The following RAD51C variants were observed in gnomAD, a reference collection of about 807,000 sequenced individuals.
RAD51C encodes the protein DNA repair protein RAD51 homolog 3.
Under a neutral mutation model 45.0 loss-of-function variants are expected in RAD51C, and 42 were observed. The observed-to-expected ratio is 0.93, with a 90% confidence interval of 0.73 to 1.21. The LOEUF (loss-of-function observed/expected upper bound fraction) is 1.21. Among genes scored for constraint, RAD51C ranks in the 50% most tolerant of loss-of-function variants. The probability of loss-of-function intolerance (pLI) is 0.00; values close to 1 mark genes in which losing one functional copy is unlikely to be tolerated. For missense variants in RAD51C, 474 were observed against 452.2 expected, an observed-to-expected ratio of 1.05 and a Z score of -0.44; for synonymous variants, 172 against 159.8, an observed-to-expected ratio of 1.08 and a Z score of -0.58.
At chr17:58,728,057 A>G (rs549715293) in intron 7 of RAD51C, among the ~76,000 whole-genome samples, 22 of 152,178 alleles carry the variant, frequency 1.4e-4, no homozygotes, top group African/African-American at 5.3e-4. Flanking sequence ...AGCCTGGCCA[A>G]TATGGGGAAA....
intron 8 of RAD51C, among the ~76,000 whole-genome samples, chr17:58,733,590 A>G (rs1052799127): frequency 2.6e-5 from 4 of 152,190 alleles, no homozygotes; most frequent in Non-Finnish European, 5.9e-5. Context: ...ATGCAATGTT[A>G]TTTCTGTGCG....
At chr17:58,727,574 G>A (rs575519944) in intron 7 of RAD51C, among the ~76,000 whole-genome samples, 2 of 147,956 alleles carry the variant, frequency 1.4e-5, no homozygotes, top group African/African-American at 2.5e-5. Context: ...TTTTTTTTTC[G>A]GGCTGTGGAT....
At position 58,731,261 on chromosome 17, in the gene RAD51C, T is replaced by G. The variant is rs28583736; in HGVS notation, c.966-1223T>G. 1.1e-3 allele frequency among the ~76,000 whole-genome samples: 165 copies of G among 151,484 alleles called. 1 individual carries two copies. The highest frequency in any genetic ancestry group is 3.5e-3 in the East Asian group (18 of 5,160). On this transcript the variant is annotated intron_variant, in intron 7 of 8. Transcript: ENST00000337432. ...TTTAAAGTAATTCTTAAAAGCAGTT[T>G]TTTTTTTTTTTTTTGAGATGGAGTT...
intron 2 of RAD51C, among the ~76,000 whole-genome samples, chr17:58,696,414 CAG>C (rs1374097571): frequency 1.3e-5 from 2 of 152,186 alleles, no homozygotes; most frequent in South Asian, 2.1e-4. Context: ...GCCTGGGCGA[CAG>C]AGCGAGACTC....
chr17:58,712,033 T>TC (rs1386987705), intron 5 of RAD51C, among the ~76,000 whole-genome samples: 2 of 150,566 alleles, frequency 1.3e-5, no homozygotes, highest in Non-Finnish European at 3.0e-5. Flanking sequence ...TGACCCCATC[T>TC]CTAAAAAAAA....
intron 4 of RAD51C, 133 bp from the exon 5 acceptor site, chr17:58,709,726 T>G: frequency 1.2e-6 from 1 of 816,784 alleles, no homozygotes; most frequent in Non-Finnish European, 1.9e-6. Flanking sequence ...GCATTGGGGA[T>G]GATATAGTAA....
chr17:58,725,902 G>C (rs961929207), intron 7 of RAD51C, among the ~76,000 whole-genome samples: 1 of 149,686 alleles, frequency 6.7e-6, no homozygotes, highest in Non-Finnish European at 1.5e-5. Context: ...TGAGGCAGGA[G>C]AATCACTTGA....
At chr17:58,698,620 C>T (rs937216640) in intron 3 of RAD51C, among the ~76,000 whole-genome samples, 3 of 151,862 alleles carry the variant, frequency 2.0e-5, no homozygotes, top group Non-Finnish European at 2.9e-5. Flanking sequence ...TGAGCCACCA[C>T]GCCCAGCCTT....
At position 58,734,741 on chromosome 17, in the gene RAD51C, C is replaced by T. The variant is rs1450915941; in HGVS notation, c.*519C>T. ...TCCCGAGTAGCTGGGGTTACAGGCACCTGCCATCGTGCCTGGCTAATTTTT... is the reference window on the plus strand; with the variant it reads ...TCCCGAGTAGCTGGGGTTACAGGCATCTGCCATCGTGCCTGGCTAATTTTT... On this transcript the variant is annotated 3_prime_UTR_variant, in exon 9 of 9. Transcript: ENST00000337432. 3 of 158,022 alleles carry T rather than the reference C, an allele frequency of 1.9e-5. No individual in the cohort carries two copies. Among genetic ancestry groups the T allele is most frequent in the Non-Finnish European group, 4.2e-5 (3 of 72,234 alleles). 9.8% of individuals were successfully genotyped at this position (158,022 alleles called of 1,614,324 possible).
chr17:58,702,008 T>G (rs1430135296), intron 3 of RAD51C, among the ~76,000 whole-genome samples: 1 of 151,918 alleles, frequency 6.6e-6, no homozygotes, highest in Non-Finnish European at 1.5e-5. Context: ...TTTGTTTTTT[T>G]TTTTGAGACA....
At chr17:58,711,022 A>T (rs1417363194) in intron 5 of RAD51C, among the ~76,000 whole-genome samples, 1 of 152,226 alleles carries the variant, frequency 6.6e-6, no homozygotes, top group Non-Finnish European at 1.5e-5. Flanking sequence ...GTCATTTTAA[A>T]GCATACTTTT....
chr17:58,721,530 C>T (rs959036658), intron 6 of RAD51C, among the ~76,000 whole-genome samples: 2 of 151,918 alleles, frequency 1.3e-5, no homozygotes, highest in African/African-American at 4.8e-5. Flanking sequence ...GAGGCTGAGG[C>T]GGGTGGATCA....
intron 3 of RAD51C, among the ~76,000 whole-genome samples, chr17:58,701,632 G>A (rs536856139): frequency 6.6e-6 from 1 of 150,570 alleles, no homozygotes; most frequent in Admixed American, 6.6e-5. Flanking sequence ...GTGCAGTGGC[G>A]GGATCTCAGC....
chr17:58,701,064 A>AT (rs1444807244), intron 3 of RAD51C, among the ~76,000 whole-genome samples: 1 of 151,670 alleles, frequency 6.6e-6, no homozygotes, highest in Admixed American at 6.6e-5. Flanking sequence ...TGCCCAGCTA[A>AT]TTTTTTTTGC....
At chr17:58,705,996 C>G (rs531066862) in intron 4 of RAD51C, 1 of 152,208 alleles carries the variant, frequency 6.6e-6, no homozygotes, top group African/African-American at 2.4e-5. Context: ...GTGAAATTCC[C>G]TTCCAGCTGT....
Position 58,697,570 on chromosome 17 carries a change from A to C in RAD51C, c.571+711A>C, listed in dbSNP as rs1034113678. Among the ~76,000 whole-genome samples the C allele has an allele frequency of 3.3e-5, 5 of 150,654 alleles. No individual in the cohort carries two copies. The East Asian group carries it at 9.6e-4, about 29-fold the overall frequency. ...AAAAAAAAAAAAACCAAAAAAAAAAACCACGTCTGAAATGTTTGGATTGTT... is the reference window on the plus strand; with the variant it reads ...AAAAAAAAAAAAACCAAAAAAAAAACCCACGTCTGAAATGTTTGGATTGTT... On this transcript the variant is annotated intron_variant, in intron 3 of 8. Transcript: ENST00000337432.
Position 58,734,509 on chromosome 17 carries a change from A to G in RAD51C, c.*287A>G, listed in dbSNP as rs1296857736. ...GATCTCATGTGGCCAGTCTGAATTT[A>G]CCATTCATACTGTTTTCACCCCTTT... On this transcript the variant is annotated 3_prime_UTR_variant, in exon 9 of 9. Transcript: ENST00000337432. The G allele has an allele frequency of 4.3e-6, 2 of 462,380 alleles. No homozygotes were observed. Among genetic ancestry groups the G allele is most frequent in the Non-Finnish European group, 7.7e-6 (2 of 260,102 alleles). The allele number at this position is 462,380 out of a possible 1,614,324, so 28.6% of individuals were successfully genotyped here. A position where few individuals can be genotyped will look rare whatever the true frequency, so the allele number is the denominator to read the frequency against.
In RAD51C at chr17:58,732,676, A is replaced by G. The variant is rs1233424391; in HGVS notation, c.1026+132A>G. On this transcript the variant is annotated intron_variant, in intron 8 of 8. Coordinates refer to ENST00000337432, the MANE Select transcript of RAD51C (RefSeq NM_058216.3). The stretch of plus-strand genomic sequence containing the variant: ...TTTGAGGACAGCTTTTGATGCTTAG[A>G]ACATTGTCCCCAAAATAGTAGTATA... The G allele has an allele frequency of 3.6e-6, 3 of 826,020 alleles. No homozygotes were observed. In the Admixed American group the frequency reaches 5.8e-5, roughly 16 times the overall value. The allele number at this position is 826,020 out of a possible 1,614,324, so 51.2% of individuals were successfully genotyped here. A position where few individuals can be genotyped will look rare whatever the true frequency, so the allele number is the denominator to read the frequency against.
chr17:58,703,366 A>T (rs982591070), intron 4 of RAD51C, 37 bp downstream of exon 4: 2 of 1,591,118 alleles, frequency 1.3e-6, no homozygotes, highest in Non-Finnish European at 1.7e-6. Context: ...CTAACCAAGT[A>T]TTTTTTGAGG....
Sources: gnomAD v4.1 joint callset for allele counts (sites outside exome capture counted in the v4.1 genomes callset) on GRCh38, gnomAD v4.1.1 for gene constraint, MANE v1.5 for transcripts, NCBI Gene and HGNC (gene_info 2026-07-23, HGNC 2026-07-21) for gene names.